DLGAP2: variants seen among roughly 807,000 people sequenced by gnomAD.
DLGAP2 encodes disks large-associated protein 2.
DLGAP2 carries 26 observed loss-of-function variants against 100.3 expected under a neutral mutation model. The ratio of observed to expected loss-of-function variants is 0.26; its 90% CI spans 0.19 to 0.36. DLGAP2 has a LOEUF of 0.36. DLGAP2 is among the 10% of genes least tolerant of loss of function. The pLI is 1.00. For synonymous variants in DLGAP2, 886 were observed against 630.1 expected (o/e 1.41, Z -6.08); for missense variants, 1,858 against 1,453.2 (o/e 1.28, Z -4.53).
chr8:1,675,035 C>G (rs1798778246), intron 10 of DLGAP2, among the ~76,000 whole-genome samples: 1 of 152,236 alleles, frequency 6.6e-6, no homozygotes, highest in East Asian at 1.9e-4. Context: ...AGGATCTTCA[C>G]TCAAGAATGT....
chr8:944,743 G>A (rs899189311), intron 2 of DLGAP2, among the ~76,000 whole-genome samples: 1 of 151,836 alleles, frequency 6.6e-6, no homozygotes, highest in Non-Finnish European at 1.5e-5. Flanking sequence ...AATCCCTGCA[G>A]GTGATCTGGT....
At chr8:926,602 T>C (rs370895416) in intron 2 of DLGAP2, among the ~76,000 whole-genome samples, 155 of 152,356 alleles carry the variant, frequency 1.0e-3, no homozygotes, top group African/African-American at 3.4e-3. Context: ...GCGGCAGGTT[T>C]CACCGGGTGG....
intron 3 of DLGAP2, among the ~76,000 whole-genome samples, chr8:1,357,102 A>G (rs1471390242): frequency 1.3e-5 from 2 of 151,150 alleles, no homozygotes; most frequent in Non-Finnish European, 3.0e-5. Flanking sequence ...CAGATGAGCC[A>G]CCCAAAACTA....
At chr8:884,884 A>T (rs760119617) in intron 1 of DLGAP2, among the ~76,000 whole-genome samples, 1 of 152,216 alleles carries the variant, frequency 6.6e-6, no homozygotes, top group Non-Finnish European at 1.5e-5. Flanking sequence ...TTTACTGAAT[A>T]GGAGATCCTT....
intron 2 of DLGAP2, among the ~76,000 whole-genome samples, chr8:982,533 T>C (rs1021141017): frequency 3.3e-5 from 5 of 152,188 alleles, no homozygotes; most frequent in African/African-American, 1.2e-4. Flanking sequence ...TATTTTTTCT[T>C]TGTCAAGGAA....
At chr8:767,304 C>G (rs576464214) in intron 1 of DLGAP2, among the ~76,000 whole-genome samples, 60 of 151,104 alleles carry the variant, frequency 4.0e-4, no homozygotes, top group Middle Eastern at 3.6e-3. Context: ...TCAAGGATGC[C>G]CAAAGGCACA....
intron 2 of DLGAP2, among the ~76,000 whole-genome samples, chr8:1,018,409 G>A (rs372542032): frequency 5.7e-4 from 87 of 152,312 alleles, no homozygotes; most frequent in African/African-American, 1.9e-3. Flanking sequence ...AAGCAAACCT[G>A]GTTTATTGTC....
At chr8:1,381,935 A>C (rs888808380) in intron 3 of DLGAP2, among the ~76,000 whole-genome samples, 1 of 152,150 alleles carries the variant, frequency 6.6e-6, no homozygotes, top group African/African-American at 2.4e-5. Flanking sequence ...CCCAGCACCA[A>C]GAATGATAAA....
intron 2 of DLGAP2, among the ~76,000 whole-genome samples, chr8:1,128,632 G>A (rs1250548911): frequency 1.3e-5 from 2 of 152,192 alleles, no homozygotes; most frequent in Admixed American, 6.5e-5. Context: ...TGACCAGATT[G>A]GCCAACAACA....
chr8:1,027,866 C>A (rs867325306), intron 2 of DLGAP2, among the ~76,000 whole-genome samples: 1 of 119,484 alleles, frequency 8.4e-6, no homozygotes, highest in African/African-American at 3.2e-5. Flanking sequence ...GGGTGTCAGG[C>A]GCCCGTTATT....
intron 2 of DLGAP2, among the ~76,000 whole-genome samples, chr8:963,870 C>T (rs1030708319): frequency 6.6e-6 from 1 of 152,136 alleles, no homozygotes; most frequent in Non-Finnish European, 1.5e-5. Flanking sequence ...AATTTTTGTG[C>T]AATTAATACA....
intron 6 of DLGAP2, among the ~76,000 whole-genome samples, chr8:1,624,881 C>CTCTCTCTCTCTCTCTT (rs1797452798): frequency 1.0e-5 from 1 of 96,558 alleles, no homozygotes; most frequent in Admixed American, 9.7e-5. Context: ...CTCTCTCTCT[C>CTCTCTCTCTCTCTCTT]TCTCTTTCCT....
chr8:1,616,631 A>T (rs1335386107), intron 6 of DLGAP2, among the ~76,000 whole-genome samples: 1 of 152,216 alleles, frequency 6.6e-6, no homozygotes, highest in African/African-American at 2.4e-5. Context: ...AGAATACTAT[A>T]CCCAGCAAAA....
chr8:1,327,029 G>A (rs1801037808), intron 3 of DLGAP2, among the ~76,000 whole-genome samples: 2 of 152,364 alleles, frequency 1.3e-5, no homozygotes, highest in South Asian at 4.1e-4. Flanking sequence ...TGATTCTGAA[G>A]CAAATGTTTC....
intron 3 of DLGAP2, among the ~76,000 whole-genome samples, chr8:1,489,973 C>T (rs1288305115): frequency 6.6e-6 from 1 of 152,112 alleles, no homozygotes; most frequent in African/African-American, 2.4e-5. Flanking sequence ...CTCACTGCAA[C>T]CTCCACCTCT....
At chr8:1,331,353 C>T (rs892053350) in intron 3 of DLGAP2, among the ~76,000 whole-genome samples, 1 of 152,156 alleles carries the variant, frequency 6.6e-6, no homozygotes, top group Non-Finnish European at 1.5e-5. Context: ...TTTCACAGCC[C>T]AGGGTGGGCT....
chr8:1,085,987 A>C (rs1368688356), intron 2 of DLGAP2, among the ~76,000 whole-genome samples: 1 of 152,146 alleles, frequency 6.6e-6, no homozygotes, highest in African/African-American at 2.4e-5. Context: ...TCCTTGGTTA[A>C]ATTTATGCCT....
intron 3 of DLGAP2, among the ~76,000 whole-genome samples, chr8:1,471,978 T>G (rs1031749133): frequency 1.2e-4 from 19 of 152,268 alleles, no homozygotes; most frequent in African/African-American, 3.9e-4. Flanking sequence ...CTTCATTAAA[T>G]AAACTTGTAT....
In DLGAP2 at chr8:1,701,325, G is replaced by A. The variant is rs373924633; in HGVS notation, c.3087G>A (p.Ala1029=). Reference sequence around the variant, plus strand: ...GGCGCCTCATGGCCGCCAAGCGAGCGGCGTCCTTCCGGCAGAATTCCGCCT... The same window carrying A: ...GGCGCCTCATGGCCGCCAAGCGAGCAGCGTCCTTCCGGCAGAATTCCGCCT... ...ARRRLMAAKR[A]ASFRQNSASE... The change falls in exon 15 of 15, where the codon GCG becomes GCA. Residue 1029 remains alanine, a synonymous_variant. Coordinates refer to ENST00000637795, the MANE Select transcript of DLGAP2 (RefSeq NM_001346810.2). 558 of 1,590,422 alleles carry A rather than the reference G, an allele frequency of 3.5e-4. No individual in the cohort carries two copies. The highest frequency in any genetic ancestry group is 4.5e-4 in the Non-Finnish European group (526 of 1,169,226).
Sources: allele counts gnomAD v4.1 joint callset (sites outside exome capture counted in the v4.1 genomes callset), GRCh38; gene constraint gnomAD v4.1.1; transcripts MANE v1.5; gene names NCBI Gene and HGNC (gene_info 2026-07-23, HGNC 2026-07-21).